The following TNRC18 variants were observed in gnomAD, a reference collection of about 807,000 sequenced individuals.
TNRC18 encodes trinucleotide repeat containing 18, also known as trinucleotide repeat-containing gene 18 protein.
TNRC18 carries 69 observed loss-of-function variants against 226.7 expected under a neutral mutation model. That is an observed-to-expected ratio of 0.30 (90% confidence interval 0.25 to 0.37). The LOEUF is 0.37. Ranked by LOEUF, TNRC18 falls within the 10% of genes least tolerant of loss-of-function variation. TNRC18 has a pLI of 1.00. For missense variants in TNRC18, 4,754 were observed against 4,256.6 expected (o/e 1.12, Z -3.25); for synonymous variants, 2,449 against 1,927.6 (o/e 1.27, Z -7.09).
chr7:5,375,484 A>G (rs1229148692), intron 9 of TNRC18, among the ~76,000 whole-genome samples: 2 of 152,206 alleles, frequency 1.3e-5, no homozygotes, highest in African/African-American at 4.8e-5. Flanking sequence ...CTTGCCCACG[A>G]GCACACAGCC....
Position 5,377,956 on chromosome 7 carries a change from C to T in TNRC18, c.2221G>A (p.Ala741Thr), listed in dbSNP as rs201515719. 9.9e-6 allele frequency: 16 copies of T among 1,613,558 alleles called. No homozygotes were observed. Among genetic ancestry groups the T allele is most frequent in the African/African-American group, 9.3e-5 (7 of 75,000 alleles). Residue 741 changes from alanine (A) to threonine (T), a missense_variant, in exon 6 of 30, where the codon GCA becomes ACA. Ala to Thr is a moderately conservative substitution (Grantham distance 58). Coordinates refer to ENST00000430969, the MANE Select transcript of TNRC18 (RefSeq NM_001080495.3). The surrounding 1 kb of genome is among the most constrained non-coding windows in gnomAD (Gnocchi z 5.8). ...TTCTCCTGATCCCGGTCCAGCCGTG[C>T]CCCGAGCAGCCGTTCCTCCCGGTGT... is the stretch of plus-strand genomic sequence containing the variant. Reference protein sequence around the residue: ...ARHREERLLGARLDRDQEKLL... With the variant: ...ARHREERLLGTRLDRDQEKLL...
intron 11 of TNRC18, among the ~76,000 whole-genome samples, chr7:5,364,022 G>A (rs958559516): frequency 6.6e-6 from 1 of 152,162 alleles, no homozygotes; most frequent in Non-Finnish European, 1.5e-5. Context: ...AATAAGCCGG[G>A]TGCAGTGGCT....
In TNRC18 at chr7:5,370,528, G is replaced by A; in HGVS notation, c.4066C>T (p.Pro1356Ser). Residue 1356 changes from proline (P) to serine (S), a missense_variant, in exon 11 of 30, where the codon CCT becomes TCT. By Grantham distance (74) the Pro-to-Ser change is moderately conservative (BLOSUM62 -1). Transcript: ENST00000430969. ...AAAAELPQAR[P>S]LPSPGAAGAQ... ...CCAGCAGCACCCGGGGAGGGCAGAG[G>A]CCTGGCCTGGGGCAGCTCCGCAGCT... 1 of 1,602,836 alleles carries A rather than the reference G, an allele frequency of 6.2e-7. No homozygotes were observed. The highest frequency in any genetic ancestry group is 8.5e-7 in the Non-Finnish European group (1 of 1,175,138).
chr7:5,417,440 A>T lies in TNRC18; in HGVS notation c.187+3620T>A, dbSNP rs145808154. On this transcript the variant is annotated intron_variant, in intron 2 of 29. Transcript: ENST00000430969. ...AGCTGAGATCACGCTATTGCATTCC[A>T]GCCTGGGTGACAGAGTAAAACCCTA... 1.9e-3 allele frequency among the ~76,000 whole-genome samples: 296 copies of T among 152,336 alleles called. 2 individuals carry two copies. The highest frequency in any genetic ancestry group is 3.1e-3 in the Non-Finnish European group (211 of 68,036).
Position 5,374,080 on chromosome 7 carries a change from G to A in TNRC18, c.3204C>T (p.Pro1068=). ...CTGAGAACAGGGCCTGGAAGGGGCTGGGGGCTTCCTTCTCCAACTCCAAGT... is the reference window on the plus strand; with the variant it reads ...CTGAGAACAGGGCCTGGAAGGGGCTAGGGGCTTCCTTCTCCAACTCCAAGT... ...KKDLELEKEA[P]SPFQALFSDI... Residue 1068 remains proline (P), a synonymous_variant, in exon 10 of 30, where the codon CCC becomes CCT. Transcript: ENST00000430969. 4 of 1,580,866 alleles carry A rather than the reference G, an allele frequency of 2.5e-6. No homozygotes were observed. Among genetic ancestry groups the A allele is most frequent in the Non-Finnish European group, 3.4e-6 (4 of 1,165,716 alleles).
At chr7:5,400,832 A>G (rs1781035626) in intron 2 of TNRC18, among the ~76,000 whole-genome samples, 1 of 152,120 alleles carries the variant, frequency 6.6e-6, no homozygotes, top group Admixed American at 6.6e-5. Context: ...ACTTCAGCCC[A>G]GGAGTTCAAG....
At chr7:5,369,191 T>C (rs978138576) in intron 11 of TNRC18, among the ~76,000 whole-genome samples, 6 of 151,876 alleles carry the variant, frequency 4.0e-5, no homozygotes, top group Non-Finnish European at 5.9e-5. Context: ...CTACTAAAAA[T>C]ACAACAATTA....
In TNRC18 at chr7:5,316,013, T is replaced by C. The variant is rs555610702; in HGVS notation, c.6805A>G (p.Thr2269Ala). Residue 2269 changes from threonine (T) to alanine (A), a missense_variant, in exon 25 of 30, where the codon ACG becomes GCG. Transcript: ENST00000430969. ...LITVEFDDGD[T>A]GRIPLSHIRL... The stretch of plus-strand genomic sequence containing the variant: ...ATATGTGAGAGGGGGATCCTGCCCG[T>C]GTCTCCGTCGTCAAACTCCACGGTG... The C allele has an allele frequency of 1.2e-6, 2 of 1,604,522 alleles. No homozygotes were observed. Among genetic ancestry groups the C allele is most frequent in the East Asian group, 2.3e-5 (1 of 43,666 alleles).
chr7:5,419,658 G>A (rs543785254), intron 2 of TNRC18, among the ~76,000 whole-genome samples: 9 of 152,046 alleles, frequency 5.9e-5, no homozygotes, highest in African/African-American at 1.4e-4. Context: ...CCCCAGCTCC[G>A]GAGGGACACA....
At position 5,374,325 on chromosome 7, in the gene TNRC18, C is replaced by T. The variant is rs777226565; in HGVS notation, c.2959G>A (p.Gly987Ser). 1.5e-5 allele frequency: 22 copies of T among 1,423,738 alleles called. No individual in the cohort carries two copies. The highest frequency in any genetic ancestry group is 9.5e-5 in the South Asian group (6 of 63,478). The allele number at this position is 1,423,738 out of a possible 1,614,324, so 88.2% of individuals were successfully genotyped here. ...GATGGTGGCGGGCTCACGGCCTTGC[C>T]GTAGGTGCCCGCGGGGCCGGCGGCC... ...GLAAGPAGTYGKAVSPPPSPR... is the reference protein window; with the variant it reads ...GLAAGPAGTYSKAVSPPPSPR... Residue 987 changes from glycine to serine, a missense_variant, in exon 10 of 30, where the codon GGC (glycine) becomes AGC (serine). Coordinates refer to ENST00000430969, the MANE Select transcript of TNRC18 (RefSeq NM_001080495.3).
rs1270621848 is a variant in TNRC18 at position 5,388,007 on chromosome 7, C to G, written c.1817G>C (p.Gly606Ala). The G allele has an allele frequency of 3.2e-6, 5 of 1,582,994 alleles. No homozygotes were observed. The highest frequency in any genetic ancestry group is 4.3e-6 in the Non-Finnish European group (5 of 1,165,746). The change falls in exon 5 of 30, where the codon GGC (glycine) becomes GCC (alanine). Residue 606 changes from glycine (G) to alanine (A), a missense_variant. Transcript: ENST00000430969. ...ARDAVAVRPG[G>A]CGKKSPFGGL... ...TCCAAAGGGGCTCTTCTTGCCACAG[C>G]CACCAGGGCGCACGGCCACGGCGTC...
At position 5,332,727 on chromosome 7, in the gene TNRC18, G is replaced by T. The variant is rs1285250642; in HGVS notation, c.6042C>A (p.Pro2014=). ...TCTTGGTGGCGGGCGCGGTGCTGACGGGCGCAGGTGCAGCAGCCGAGGCGT... is the reference window on the plus strand; with the variant it reads ...TCTTGGTGGCGGGCGCGGTGCTGACTGGCGCAGGTGCAGCAGCCGAGGCGT... ...LHDASAAAPA[P]VSTAPATKTS... The change falls in exon 19 of 30, where the codon CCC becomes CCA. Residue 2014 remains proline (P), a synonymous_variant. Coordinates refer to ENST00000430969, the MANE Select transcript of TNRC18 (RefSeq NM_001080495.3). 6.6e-7 allele frequency: 1 copy of T among 1,524,974 alleles called. No homozygotes were observed. 94.5% of individuals were successfully genotyped at this position (1,524,974 alleles called of 1,614,324 possible). A position where few individuals can be genotyped will look rare whatever the true frequency, so the allele number is the denominator to read the frequency against.
intron 17 of TNRC18, among the ~76,000 whole-genome samples, chr7:5,347,948 G>A (rs1020287346): frequency 2.0e-5 from 3 of 152,074 alleles, no homozygotes; most frequent in East Asian, 1.9e-4. Context: ...GCAAGACTCC[G>A]TCTCAAAAAA....
chr7:5,340,889 TG>T (rs1790620382), intron 18 of TNRC18, among the ~76,000 whole-genome samples: 1 of 152,132 alleles, frequency 6.6e-6, no homozygotes. Context: ...CACCAACCAA[TG>T]GATTTGCAAT....
chr7:5,332,912 G>A lies in TNRC18; in HGVS notation c.5857C>T (p.Pro1953Ser). The change falls in exon 19 of 30, where the codon CCC becomes TCC. Residue 1953 changes from proline (P) to serine (S), a missense_variant. Physicochemically the swap from Pro to Ser is moderately conservative, Grantham distance 74. Transcript: ENST00000430969. ...GCCTTGTCTGGGCTGCTGGGGTCGG[G>A]ACCGCGGGCGCCAGGCGTGGGTGCG... is the stretch of plus-strand genomic sequence containing the variant. ...LAAPTPGARG[P>S]DPSSPDKAKL... 1.3e-6 allele frequency: 2 copies of A among 1,538,716 alleles called. No individual in the cohort carries two copies. Among genetic ancestry groups the A allele is most frequent in the Non-Finnish European group, 1.7e-6 (2 of 1,149,634 alleles).
At chr7:5,315,398 G>C (rs1787749236) in intron 25 of TNRC18, among the ~76,000 whole-genome samples, 1 of 149,424 alleles carries the variant, frequency 6.7e-6, no homozygotes, top group Non-Finnish European at 1.5e-5. Context: ...GGTGGATAAA[G>C]ATGCTGACTT....
chr7:5,375,928 T>C (rs1388869490), intron 9 of TNRC18, 106 bp downstream of exon 9: 1 of 1,191,976 alleles, frequency 8.4e-7, no homozygotes, highest in African/African-American at 1.5e-5. Context: ...CCCTCTGCTG[T>C]TTTCTCCCTC....
intron 8 of TNRC18, 32 bp from the exon 9 acceptor site, chr7:5,376,256 C>T (rs775394784): frequency 2.6e-5 from 37 of 1,426,430 alleles, no homozygotes; most frequent in South Asian, 2.9e-5. Flanking sequence ...GCTGCACCTG[C>T]GGCCTGATGC....
At chr7:5,420,985 A>G in intron 2 of TNRC18, 75 bp downstream of exon 2, 1 of 1,521,518 alleles carries the variant, frequency 6.6e-7, no homozygotes, top group Non-Finnish European at 8.9e-7. Flanking sequence ...CCCGGCCGCG[A>G]GTGCACAGGA....
Sources: gnomAD v4.1 joint callset for allele counts (sites outside exome capture counted in the v4.1 genomes callset) on GRCh38, gnomAD v4.1.1 for gene constraint, Gnocchi (gnomAD v3.1) non-coding constraint, MANE v1.5 for transcripts, NCBI Gene and HGNC (gene_info 2026-07-23, HGNC 2026-07-21) for gene names.